Variants in NOX4 observed in about 807,000 individuals in gnomAD.
NOX4 encodes NADPH oxidase 4.
In NOX4, 69 loss-of-function variants were observed where a neutral mutation model predicts 87.6. The ratio of observed to expected loss-of-function variants is 0.79; its 90% CI spans 0.65 to 0.96. The LOEUF is 0.96. Among genes scored for constraint, NOX4 ranks in the 40% least tolerant of loss-of-function variants. The probability of loss-of-function intolerance (pLI) is 0.00; values close to 1 mark genes in which losing one functional copy is unlikely to be tolerated. For missense variants in NOX4, 680 were observed against 681.5 expected (o/e 1.00, Z 0.02); for synonymous variants, 275 against 238.2 (o/e 1.15, Z -1.42).
the NOX4 span, among the ~76,000 whole-genome samples, chr11:89,566,432 GT>G: frequency 2.0e-5 from 3 of 152,132 alleles, no homozygotes; most frequent in African/African-American, 4.8e-5. Flanking sequence ...ATATTTCTAA[GT>G]TTTTCTATTC....
At chr11:89,493,269 C>T (rs528225188), upstream of NOX4, among the ~76,000 whole-genome samples, 1 of 152,144 alleles carries the variant, frequency 6.6e-6, no homozygotes, top group South Asian at 2.1e-4. Flanking sequence ...CCTGTAGTCC[C>T]AGCTATTCAG....
intron 7 of NOX4, among the ~76,000 whole-genome samples, chr11:89,431,234 C>A (rs1176762104): frequency 6.6e-6 from 1 of 152,138 alleles, no homozygotes; most frequent in African/African-American, 2.4e-5. Flanking sequence ...AAATGTTAGA[C>A]CTAAAACCAT....
intron 5 of NOX4, among the ~76,000 whole-genome samples, chr11:89,442,089 C>G (rs1271437451): frequency 6.7e-6 from 1 of 149,748 alleles, no homozygotes; most frequent in Non-Finnish European, 1.5e-5. Context: ...TCATCTACAT[C>G]TAATGCATGG....
chr11:89,418,130 T>C lies in NOX4; in HGVS notation c.629+3772A>G, dbSNP rs1942880434. On this transcript the variant is annotated intron_variant, in intron 8 of 17. Coordinates refer to ENST00000263317, the MANE Select transcript of NOX4 (RefSeq NM_016931.5). ...CAGGTTAAGCCAAGGGCACAGATAA[T>C]CATAGAACAAAAAATTTGGGTCCTA... is the stretch of plus-strand genomic sequence containing the variant. 2.0e-5 allele frequency among the ~76,000 whole-genome samples: 3 copies of C among 151,840 alleles called. No homozygotes were observed. The South Asian group carries it at 6.2e-4, about 31-fold the overall frequency.
At chr11:89,489,048 T>C in intron 2 of NOX4, 1 of 699,050 alleles carries the variant, frequency 1.4e-6, no homozygotes. Flanking sequence ...TACAGACTAT[T>C]TTTTTCAACC....
intron 12 of NOX4, among the ~76,000 whole-genome samples, chr11:89,364,455 G>A (rs960552641): frequency 3.3e-5 from 5 of 151,820 alleles, no homozygotes; most frequent in African/African-American, 7.3e-5. Flanking sequence ...CCTATCACTC[G>A]CATGCTCTGG....
At chr11:89,352,901 C>A (rs967005172) in intron 13 of NOX4, among the ~76,000 whole-genome samples, 1 of 152,150 alleles carries the variant, frequency 6.6e-6, no homozygotes, top group Non-Finnish European at 1.5e-5. Flanking sequence ...CTCACTGCAA[C>A]CTCCACCTCC....
chr11:89,440,815 T>C (rs1944424410), intron 5 of NOX4, 100 bp from the exon 6 acceptor site: 5 of 576,456 alleles, frequency 8.7e-6, no homozygotes, highest in African/African-American at 2.0e-5. Flanking sequence ...ATACTTGTCA[T>C]GTAAAATACT....
intron 12 of NOX4, 146 bp from the exon 13 acceptor site, chr11:89,355,189 T>C (rs575611060): frequency 7.0e-6 from 4 of 569,764 alleles, no homozygotes; most frequent in East Asian, 3.3e-5. Context: ...CACCATTTTA[T>C]GTATTACTAA....
chr11:89,420,009 G>C (rs1591180782), intron 8 of NOX4, among the ~76,000 whole-genome samples: 1 of 151,952 alleles, frequency 6.6e-6, no homozygotes, highest in Admixed American at 6.6e-5. Context: ...TCTCAAAGCA[G>C]TAAAGATAAA....
intron 11 of NOX4, among the ~76,000 whole-genome samples, chr11:89,395,347 G>T (rs1941404343): frequency 6.6e-6 from 1 of 152,128 alleles, no homozygotes; most frequent in African/African-American, 2.4e-5. Context: ...TTATGATGGG[G>T]TTGTTTGCTT....
At chr11:89,450,601 T>G (rs1050394936) in intron 3 of NOX4, among the ~76,000 whole-genome samples, 2 of 152,076 alleles carry the variant, frequency 1.3e-5, no homozygotes, top group African/African-American at 4.8e-5. Context: ...CTTTAAGTTT[T>G]AGGGTACATG....
chr11:89,575,831 C>T, the NOX4 span, among the ~76,000 whole-genome samples: 300 of 151,982 alleles, frequency 2.0e-3, 1 homozygote, highest in African/African-American at 6.9e-3. Context: ...TTAAGCATTA[C>T]AAAAACACTA....
intron 2 of NOX4, among the ~76,000 whole-genome samples, chr11:89,471,291 T>A (rs16913337): frequency 1.3e-5 from 2 of 152,170 alleles, no homozygotes; most frequent in Non-Finnish European, 2.9e-5. Context: ...GCCTCTTACC[T>A]TTGAGGACCT....
chr11:89,350,470 A>G (rs1270847896), intron 13 of NOX4, among the ~76,000 whole-genome samples: 2 of 152,138 alleles, frequency 1.3e-5, no homozygotes, highest in South Asian at 2.1e-4. Context: ...TCCAAATCCA[A>G]ACTACCACAG....
chr11:89,534,969 T>C, the NOX4 span, among the ~76,000 whole-genome samples: 1 of 152,244 alleles, frequency 6.6e-6, no homozygotes, highest in East Asian at 1.9e-4. Flanking sequence ...CCCGCAATTT[T>C]AAAGCCTTGA....
intron 2 of NOX4, among the ~76,000 whole-genome samples, chr11:89,466,813 T>C (rs1344283454): frequency 2.0e-5 from 3 of 151,930 alleles, no homozygotes; most frequent in Non-Finnish European, 4.4e-5. Context: ...CCTTGATTAA[T>C]GAAAAGTATA....
At chr11:89,366,848 C>T (rs34376888) in intron 12 of NOX4, among the ~76,000 whole-genome samples, 4,939 of 151,870 alleles carry the variant, frequency 0.033, 213 homozygotes, top group African/African-American at 0.1. Flanking sequence ...TTTTATATTT[C>T]TGTAGTATTT....
chr11:89,524,643 A>G, the NOX4 span, among the ~76,000 whole-genome samples: 1 of 152,090 alleles, frequency 6.6e-6, no homozygotes, highest in Non-Finnish European at 1.5e-5. Flanking sequence ...TGCAACCACC[A>G]TTACAAGGAA....
Sources: allele counts gnomAD v4.1 joint callset (sites outside exome capture counted in the v4.1 genomes callset), GRCh38; gene constraint gnomAD v4.1.1; transcripts MANE v1.5; gene names NCBI Gene and HGNC (gene_info 2026-07-23, HGNC 2026-07-21).